Variants in PIEZO2 observed in about 807,000 individuals in gnomAD.
PIEZO2 encodes the protein piezo-type mechanosensitive ion channel component 2.
In PIEZO2, 172 loss-of-function variants were observed where a neutral mutation model predicts 337.3. That is an observed-to-expected ratio of 0.51 (90% CI 0.45 to 0.58). The LOEUF (loss-of-function observed/expected upper bound fraction) is 0.58, where lower values mean the gene tolerates loss of function less well. PIEZO2 is among the 20% of genes least tolerant of loss of function. PIEZO2 has a pLI of 0.00. For synonymous variants in PIEZO2, 1,251 were observed against 1,228.5 expected (o/e 1.02, Z -0.38); for missense variants, 3,028 against 3,391.3 (o/e 0.89, Z 2.66).
At chr18:10,926,156 G>A (rs1248804127) in intron 3 of PIEZO2, among the ~76,000 whole-genome samples, 2 of 152,198 alleles carry the variant, frequency 1.3e-5, no homozygotes, top group Admixed American at 1.3e-4. Flanking sequence ...TCAGGGTGCA[G>A]GAGGTCACAG....
chr18:11,140,023 T>C (rs1301541378), intron 1 of PIEZO2, among the ~76,000 whole-genome samples: 1 of 152,158 alleles, frequency 6.6e-6, no homozygotes, highest in East Asian at 1.9e-4. Flanking sequence ...TGGTCTTTGG[T>C]GATCACATGG....
chr18:10,776,331 C>A (rs2038784639), intron 18 of PIEZO2, among the ~76,000 whole-genome samples: 1 of 152,124 alleles, frequency 6.6e-6, no homozygotes, highest in African/African-American at 2.4e-5. Flanking sequence ...GCAGTTAACA[C>A]AGTGGTTAAT....
chr18:11,114,600 G>T (rs1006398307), intron 1 of PIEZO2, among the ~76,000 whole-genome samples: 1 of 152,124 alleles, frequency 6.6e-6, no homozygotes, highest in African/African-American at 2.4e-5. Context: ...GGGAGGTGGA[G>T]GTTGCAGTGA....
At chr18:11,029,694 G>A (rs916625904) in intron 2 of PIEZO2, among the ~76,000 whole-genome samples, 2 of 151,976 alleles carry the variant, frequency 1.3e-5, no homozygotes, top group Non-Finnish European at 2.9e-5. Flanking sequence ...CGTTTTTTGT[G>A]TCTCAGGGCC....
At chr18:11,118,495 G>A (rs7233213) in intron 1 of PIEZO2, among the ~76,000 whole-genome samples, 37,900 of 152,058 alleles carry the variant, frequency 0.25, 5,318 homozygotes, top group East Asian at 0.43. Flanking sequence ...AGGCAGGATC[G>A]ATTGCATCTA....
In PIEZO2 at chr18:10,855,367, A is replaced by T; in HGVS notation, c.903T>A (p.Asn301Lys). ...ATTTCTCTTACCTTGCATAGTAGTC[A>T]TTGGGTGGAACTGCCTCTTGAAAGA... ...FQFFQEAVPPNDYYARLFGIK... is the reference protein window; with the variant it reads ...FQFFQEAVPPKDYYARLFGIK... The change falls in exon 7 of 56, where the codon AAT (asparagine) becomes AAA (lysine). Residue 301 changes from asparagine to lysine, a missense_variant. By Grantham distance (94) the Asn-to-Lys change is moderately conservative. This residue lies in a region of PIEZO2 where 542 missense variants were observed against 605.6 expected (regional missense o/e 0.89). Coordinates refer to ENST00000674853, the MANE Select transcript of PIEZO2 (RefSeq NM_001378183.1). The surrounding 1 kb of genome is among the most constrained non-coding windows in gnomAD (Gnocchi z 4.9). 1 of 1,534,996 alleles carries T rather than the reference A, an allele frequency of 6.5e-7. No homozygotes were observed. The highest frequency in any genetic ancestry group is 8.7e-7 in the Non-Finnish European group (1 of 1,144,840).
chr18:11,025,725 A>G (rs1204878066), intron 2 of PIEZO2, among the ~76,000 whole-genome samples: 5 of 152,194 alleles, frequency 3.3e-5, no homozygotes, highest in African/African-American at 1.2e-4. Flanking sequence ...AAGAGGCCCC[A>G]TCCTCGAAGT....
chr18:10,773,292 C>T lies in PIEZO2; in HGVS notation c.2785+120G>A. 1 of 1,025,620 alleles carries T rather than the reference C, an allele frequency of 9.8e-7. No homozygotes were observed. Among genetic ancestry groups the T allele is most frequent in the Non-Finnish European group, 1.4e-6 (1 of 710,996 alleles). The allele number at this position is 1,025,620 out of a possible 1,614,324, so 63.5% of individuals were successfully genotyped here. ...AACTATAGCAATCAAACAAAAACCA[C>T]TCCAATTTTTATGTCATGGACTGGG... On this transcript the variant is annotated intron_variant, in intron 20 of 55. Coordinates refer to ENST00000674853, the MANE Select transcript of PIEZO2 (RefSeq NM_001378183.1). The surrounding 1 kb of genome is among the most constrained non-coding windows in gnomAD (Gnocchi z 5.3).
chr18:10,749,988 A>T (rs756936275), intron 29 of PIEZO2, 103 bp downstream of exon 29: 14 of 834,730 alleles, frequency 1.7e-5, no homozygotes, highest in Non-Finnish European at 2.7e-5. Context: ...AACTGACCCC[A>T]CTTTTATATC....
intron 43 of PIEZO2, 93 bp downstream of exon 43, chr18:10,701,896 C>T: frequency 8.7e-7 from 1 of 1,145,614 alleles, no homozygotes; most frequent in Non-Finnish European, 1.2e-6. Flanking sequence ...GCCCCATCAC[C>T]AATCCTGATG....
chr18:10,921,832 GC>G (rs1568201702), intron 3 of PIEZO2, among the ~76,000 whole-genome samples: 1 of 152,086 alleles, frequency 6.6e-6, no homozygotes, highest in Non-Finnish European at 1.5e-5. Context: ...CTCTGAACTG[GC>G]CCCCTTGAGT....
Position 10,855,355 on chromosome 18 carries a change from T to G in PIEZO2, c.915A>C (p.Ala305=). Residue 305 remains alanine (A), a splice_region_variant and synonymous_variant, in exon 7 of 56, where the codon GCA becomes GCC. Coordinates refer to ENST00000674853, the MANE Select transcript of PIEZO2 (RefSeq NM_001378183.1). The surrounding 1 kb of genome is among the most constrained non-coding windows in gnomAD (Gnocchi z 4.9). ...AATGCCATAAGGATTTCTCTTACCT[T>G]GCATAGTAGTCATTGGGTGGAACTG... ...QEAVPPNDYY[A]RLFGIKSVIQ... 6.5e-7 allele frequency: 1 copy of G among 1,531,258 alleles called. No individual in the cohort carries two copies. The highest frequency in any genetic ancestry group is 1.2e-5 in the South Asian group (1 of 83,934). 94.9% of individuals were successfully genotyped at this position (1,531,258 alleles called of 1,614,324 possible). A position where few individuals can be genotyped will look rare whatever the true frequency, so the allele number is the denominator to read the frequency against.
rs2039358898 is a variant in PIEZO2 at position 11,099,824 on chromosome 18, C to A, written c.65-33602G>T. On this transcript the variant is annotated intron_variant, in intron 1 of 55. Transcript: ENST00000674853. This position sits in a 1 kb window ranked among gnomAD's most constrained non-coding sequence, Gnocchi z 5.4. ...GATTCATTAGTGATTTGTATATCTT[C>A]TTTTGTAAGTTGCTGATGAATACTA... Among the ~76,000 whole-genome samples the A allele has an allele frequency of 6.6e-6, 1 of 152,072 alleles. No individual in the cohort carries two copies. Among genetic ancestry groups the A allele is most frequent in the Non-Finnish European group, 1.5e-5 (1 of 68,012 alleles).
chr18:11,040,768 T>C (rs1244315841), intron 2 of PIEZO2, among the ~76,000 whole-genome samples: 1 of 152,202 alleles, frequency 6.6e-6, no homozygotes, highest in Non-Finnish European at 1.5e-5. Flanking sequence ...CAGTTCTTAG[T>C]GCCACTTTTC....
rs958117810 is a variant in PIEZO2 at position 10,670,311 on chromosome 18, T to G, written c.*1216A>C. 1 of 152,210 alleles carries G rather than the reference T, an allele frequency of 6.6e-6. No homozygotes were observed. Among genetic ancestry groups the G allele is most frequent in the African/African-American group, 2.4e-5 (1 of 41,460 alleles). The allele number at this position is 152,210 out of a possible 1,614,324, so 9.4% of individuals were successfully genotyped here. A position where few individuals can be genotyped will look rare whatever the true frequency, so the allele number is the denominator to read the frequency against. On this transcript the variant is annotated 3_prime_UTR_variant, in exon 56 of 56. Transcript: ENST00000674853. Reference sequence around the variant, plus strand: ...ACCCAAACTACACAGGATCAATTTTTGACATATTCTAGTCCATTCAATGAT... The same window carrying G: ...ACCCAAACTACACAGGATCAATTTTGGACATATTCTAGTCCATTCAATGAT...
chr18:10,759,867 C>T lies in PIEZO2; in HGVS notation c.3493G>A (p.Asp1165Asn), dbSNP rs950056984. Residue 1165 changes from aspartate (D) to asparagine (N), a missense_variant, in exon 25 of 56, where the codon GAT (aspartate) becomes AAT (asparagine). Physicochemically the swap from Asp to Asn is conservative, Grantham distance 23 (BLOSUM62 1). Coordinates refer to ENST00000674853, the MANE Select transcript of PIEZO2 (RefSeq NM_001378183.1). The surrounding 1 kb of genome is among the most constrained non-coding windows in gnomAD (Gnocchi z 5.5). ...MSVNVIGQRM[D>N]FYAMIHACWL... is the part of the protein sequence containing the mutation. ...CAGGCGTGGATCATGGCATAGAAAT[C>T]CATTCGCTGGCCAATGACGTTAACT... 3 of 1,537,348 alleles carry T rather than the reference C, an allele frequency of 2.0e-6. No homozygotes were observed. The African/African-American group carries it at 4.1e-5, about 21-fold the overall frequency.
At chr18:10,897,750 T>G (rs1159643019) in intron 4 of PIEZO2, among the ~76,000 whole-genome samples, 1 of 152,242 alleles carries the variant, frequency 6.6e-6, no homozygotes, top group Non-Finnish European at 1.5e-5. Context: ...ACACTCAAGG[T>G]GAAAGGAAAA....
chr18:10,955,465 G>A lies in PIEZO2; in HGVS notation c.286+24070C>T, dbSNP rs114091785. 2.2e-3 allele frequency among the ~76,000 whole-genome samples: 331 copies of A among 152,318 alleles called. 1 individual carries two copies. The highest frequency in any genetic ancestry group is 7.5e-3 in the African/African-American group (311 of 41,576). ...ATGCAGCCACTAGAATAAAGTGCTT[G>A]TATTTTAGTGTTTTGCTTCAATCTG... On this transcript the variant is annotated intron_variant, in intron 3 of 55. Transcript: ENST00000674853.
At chr18:10,812,079 C>T (rs28481668) in intron 7 of PIEZO2, among the ~76,000 whole-genome samples, 5,102 of 152,266 alleles carry the variant, frequency 0.034, 129 homozygotes, top group South Asian at 0.13. Flanking sequence ...GTGATCTGCC[C>T]GCCTTGGCTT....
Sources: allele counts gnomAD v4.1 joint callset (sites outside exome capture counted in the v4.1 genomes callset), GRCh38; gene constraint gnomAD v4.1.1; regional missense constraint gnomAD v4.1.1; non-coding constraint Gnocchi (gnomAD v3.1); transcripts MANE v1.5; gene names NCBI Gene and HGNC (gene_info 2026-07-23, HGNC 2026-07-21).